The following PLCB1 variants were observed in gnomAD, a reference collection of about 807,000 sequenced individuals.
PLCB1 encodes phospholipase C beta 1.
Under a neutral mutation model 161.8 loss-of-function variants are expected in PLCB1, and 46 were observed. The ratio of observed to expected loss-of-function variants is 0.28; its 90% CI spans 0.22 to 0.36. The LOEUF is 0.36. Among genes scored for constraint, PLCB1 ranks in the 10% least tolerant of loss-of-function variants. PLCB1 has a pLI of 1.00. For missense variants in PLCB1, 1,016 were observed against 1,472.5 expected (o/e 0.69, Z 5.07); for synonymous variants, 517 against 503.7 (o/e 1.03, Z -0.35).
intron 10 of PLCB1, among the ~76,000 whole-genome samples, chr20:8,689,304 C>T (rs1031958854): frequency 4.6e-5 from 7 of 152,142 alleles, no homozygotes; most frequent in Admixed American, 3.9e-4. Flanking sequence ...GACAGTTTGA[C>T]TTCCTCTTCA....
intron 2 of PLCB1, among the ~76,000 whole-genome samples, chr20:8,198,610 G>C (rs768285579): frequency 6.6e-6 from 1 of 151,900 alleles, no homozygotes; most frequent in African/African-American, 2.4e-5. Context: ...GTAAACTCCA[G>C]CCATCAAGGG....
intron 27 of PLCB1, among the ~76,000 whole-genome samples, chr20:8,788,019 A>G (rs950838969): frequency 1.2e-4 from 19 of 152,304 alleles, no homozygotes; most frequent in South Asian, 2.1e-4. Flanking sequence ...ACTTATTTTT[A>G]TTTTGAGCTT....
chr20:8,163,758 A>G (rs2051648805), intron 2 of PLCB1, among the ~76,000 whole-genome samples: 1 of 152,186 alleles, frequency 6.6e-6, no homozygotes, highest in African/African-American at 2.4e-5. Flanking sequence ...GGTGTGTGGT[A>G]TGCAATCTGC....
At chr20:8,405,008 G>A (rs759511009) in intron 3 of PLCB1, among the ~76,000 whole-genome samples, 2 of 152,078 alleles carry the variant, frequency 1.3e-5, no homozygotes, top group African/African-American at 4.8e-5. Context: ...CTTTCAGTAG[G>A]TATTCAAATG....
At chr20:8,614,612 G>GTGTGTGTGTGTGTGTGTT (rs1230915347) in intron 3 of PLCB1, among the ~76,000 whole-genome samples, 2 of 151,700 alleles carry the variant, frequency 1.3e-5, no homozygotes, top group South Asian at 2.1e-4. Flanking sequence ...GTGTGTGTGT[G>GTGTGTGTGTGTGTGTGTT]TGTGTGTGTG....
chr20:8,325,390 A>C (rs535032102), intron 2 of PLCB1, among the ~76,000 whole-genome samples: 3 of 152,274 alleles, frequency 2.0e-5, no homozygotes, highest in African/African-American at 7.2e-5. Flanking sequence ...TGGAAAATTT[A>C]AAATATTTTA....
chr20:8,624,018 C>G (rs922485237), intron 3 of PLCB1: 2 of 152,160 alleles, frequency 1.3e-5, no homozygotes, highest in African/African-American at 4.8e-5. Flanking sequence ...GGGAAACCAG[C>G]CTGGACGTAA....
At chr20:8,605,220 C>T (rs1410020997) in intron 3 of PLCB1, among the ~76,000 whole-genome samples, 2 of 152,034 alleles carry the variant, frequency 1.3e-5, no homozygotes, top group Admixed American at 1.3e-4. Context: ...ACACATATCA[C>T]ACATATATAG....
chr20:8,499,589 A>C (rs553133093), intron 3 of PLCB1, among the ~76,000 whole-genome samples: 2 of 152,284 alleles, frequency 1.3e-5, no homozygotes, highest in South Asian at 4.1e-4. Flanking sequence ...GTTTAAATTT[A>C]TATAAGCTTG....
At chr20:8,405,178 G>A (rs1481211494) in intron 3 of PLCB1, among the ~76,000 whole-genome samples, 1 of 152,140 alleles carries the variant, frequency 6.6e-6, no homozygotes, top group African/African-American at 2.4e-5. Context: ...ATGTGTCTGT[G>A]GTCAGCTGTG....
chr20:8,663,802 A>G (rs966576854), intron 9 of PLCB1, among the ~76,000 whole-genome samples: 1 of 152,132 alleles, frequency 6.6e-6, no homozygotes, highest in Non-Finnish European at 1.5e-5. Flanking sequence ...TTTGCACTGT[A>G]GACTTAAATA....
intron 27 of PLCB1, 40 bp downstream of exon 27, chr20:8,774,759 A>T: frequency 6.5e-7 from 1 of 1,531,714 alleles, no homozygotes; most frequent in Non-Finnish European, 8.9e-7. Context: ...TGCAACTGGA[A>T]CTCCCTTATA....
At chr20:8,268,994 A>G (rs1982131074) in intron 2 of PLCB1, among the ~76,000 whole-genome samples, 1 of 152,212 alleles carries the variant, frequency 6.6e-6, no homozygotes, top group Admixed American at 6.6e-5. Context: ...AGGAAGGGAC[A>G]TCAACTTTGC....
intron 31 of PLCB1, among the ~76,000 whole-genome samples, chr20:8,862,134 C>T (rs1405549495): frequency 6.6e-6 from 1 of 152,256 alleles, no homozygotes; most frequent in Non-Finnish European, 1.5e-5. Context: ...TATATTTCCT[C>T]TTGTAGAATA....
At chr20:8,312,964 T>A (rs1371336710) in intron 2 of PLCB1, among the ~76,000 whole-genome samples, 3 of 152,204 alleles carry the variant, frequency 2.0e-5, no homozygotes, top group Non-Finnish European at 4.4e-5. Context: ...AACTATTCTG[T>A]GCATTTACTT....
intron 3 of PLCB1, among the ~76,000 whole-genome samples, chr20:8,525,534 C>T (rs961518279): frequency 2.4e-4 from 36 of 152,046 alleles, no homozygotes; most frequent in African/African-American, 8.7e-4. Context: ...TTACTTAAAC[C>T]CTAATTGACC....
At chr20:8,661,758 T>C (rs980804911) in intron 9 of PLCB1, among the ~76,000 whole-genome samples, 23 of 150,818 alleles carry the variant, frequency 1.5e-4, no homozygotes, top group African/African-American at 5.6e-4. Flanking sequence ...CAAATAGTAC[T>C]AGAGGAAGCA....
Position 8,628,436 on chromosome 20 carries a change from G to C in PLCB1, c.384+5G>C. On this transcript the variant is annotated splice_donor_5th_base_variant and intron_variant, in intron 4 of 31. Transcript: ENST00000338037. The stretch of plus-strand genomic sequence containing the variant: ...TTCCAAGAAGAAGTGGCCAAGGTAT[G>C]GTGGATGGAAATTGCTAAAGCTTAT... 1 of 1,613,882 alleles carries C rather than the reference G, an allele frequency of 6.2e-7. No homozygotes were observed. The highest frequency in any genetic ancestry group is 8.5e-7 in the Non-Finnish European group (1 of 1,179,896).
intron 3 of PLCB1, among the ~76,000 whole-genome samples, chr20:8,535,012 A>G (rs1400721341): frequency 1.3e-5 from 2 of 151,858 alleles, no homozygotes; most frequent in Non-Finnish European, 2.9e-5. Flanking sequence ...GGTAAGAAAA[A>G]CAACAGTCTA....
Sources: gnomAD v4.1 joint callset for allele counts (sites outside exome capture counted in the v4.1 genomes callset) on GRCh38, gnomAD v4.1.1 for gene constraint, MANE v1.5 for transcripts, NCBI Gene and HGNC (gene_info 2026-07-23, HGNC 2026-07-21) for gene names.